Variants in CRYL1 observed in about 807,000 individuals in gnomAD.
CRYL1 encodes the protein lambda-crystallin homolog.
CRYL1 carries 29 observed loss-of-function variants against 36.6 expected under a neutral mutation model. The ratio of observed to expected loss-of-function variants is 0.79; its 90% CI spans 0.59 to 1.08. The LOEUF is 1.08. CRYL1 is among the 50% of genes least tolerant of loss of function. The probability of loss-of-function intolerance (pLI) is 0.00; values close to 1 mark genes in which losing one functional copy is unlikely to be tolerated. For synonymous variants in CRYL1, 152 were observed against 151.5 expected (o/e 1.00, Z -0.02); for missense variants, 411 against 407.9 (o/e 1.01, Z -0.06).
intron 1 of CRYL1, among the ~76,000 whole-genome samples, chr13:20,515,317 G>A (rs1479243896): frequency 1.3e-5 from 2 of 152,068 alleles, no homozygotes; most frequent in Admixed American, 6.6e-5. Flanking sequence ...ACTTTAAATG[G>A]GTGAATTACA....
intron 1 of CRYL1, among the ~76,000 whole-genome samples, chr13:20,513,926 A>C (rs1184821416): frequency 6.6e-6 from 1 of 151,970 alleles, no homozygotes; most frequent in Non-Finnish European, 1.5e-5. Flanking sequence ...AAAAAAAAAA[A>C]AAACGCATCG....
intron 3 of CRYL1, among the ~76,000 whole-genome samples, chr13:20,478,020 T>C (rs1414308608): frequency 6.7e-6 from 1 of 149,406 alleles, no homozygotes; most frequent in Non-Finnish European, 1.5e-5. Flanking sequence ...GGCTCCATGG[T>C]GTATTCTGTG....
intron 3 of CRYL1, among the ~76,000 whole-genome samples, chr13:20,450,411 C>A (rs34796244): frequency 0.046 from 6,984 of 152,228 alleles, 337 homozygotes; most frequent in Admixed American, 0.16. Context: ...AACTAAACAC[C>A]TACCTTTCAC....
intron 6 of CRYL1, among the ~76,000 whole-genome samples, chr13:20,411,387 A>G (rs1462062138): frequency 6.6e-6 from 1 of 152,030 alleles, no homozygotes; most frequent in Non-Finnish European, 1.5e-5. Context: ...TTCTGGTTTC[A>G]TTGGCTTCTG....
chr13:20,439,544 C>CAAAAAAAAA, intron 4 of CRYL1, 49 bp downstream of exon 4: 1 of 561,762 alleles, frequency 1.8e-6, no homozygotes, highest in Non-Finnish European at 2.5e-6. Context: ...AAAAAAAAAA[C>CAAAAAAAAA]ACAGAATGAG....
chr13:20,431,771 G>T (rs986415019), intron 5 of CRYL1: 25 of 1,246,134 alleles, frequency 2.0e-5, no homozygotes, highest in Middle Eastern at 3.1e-4. Context: ...AGGGGTAAAA[G>T]CTGCCTCTGT....
chr13:20,464,704 G>A (rs563099620), intron 3 of CRYL1, among the ~76,000 whole-genome samples: 1 of 152,150 alleles, frequency 6.6e-6, no homozygotes, highest in African/African-American at 2.4e-5. Context: ...TAGCCTTTTG[G>A]AATTTTTTTT....
At chr13:20,504,329 G>A (rs1206662687) in intron 2 of CRYL1, among the ~76,000 whole-genome samples, 2 of 141,808 alleles carry the variant, frequency 1.4e-5, no homozygotes, top group African/African-American at 5.3e-5. Context: ...TTTGAGACAG[G>A]GTCTCGCTCT....
Position 20,525,037 on chromosome 13 carries a change from C to T in CRYL1, c.41+717G>A, listed in dbSNP as rs752806058. 5.2e-4 allele frequency among the ~76,000 whole-genome samples: 63 copies of T among 121,458 alleles called. No individual in the cohort carries two copies. The highest frequency in any genetic ancestry group is 8.7e-4 in the Non-Finnish European group (54 of 61,826). The allele number at this position is 121,458 out of a possible 152,430, so 79.7% of individuals were successfully genotyped here. ...AAACAAAAATAGCAAGGATTGTAAC[C>T]GTAGGGGTGGGGGGCGGGGTGGGGG... On this transcript the variant is annotated intron_variant, in intron 1 of 7. Transcript: ENST00000298248. This position sits in a 1 kb window ranked among gnomAD's most constrained non-coding sequence, Gnocchi z 4.3.
In CRYL1 at chr13:20,481,740, G is replaced by T. The variant is rs57896117; in HGVS notation, c.276+7630C>A. On this transcript the variant is annotated intron_variant, in intron 3 of 7. Transcript: ENST00000298248. The surrounding 1 kb of genome is among the most constrained non-coding windows in gnomAD (Gnocchi z 4.1). ...AGCCTGGCCAACATGATGAAACCCC[G>T]TCTCTACTAAAAATACAAAACTTAG... Among the ~76,000 whole-genome samples the T allele has an allele frequency of 6.6e-6, 1 of 151,896 alleles. No homozygotes were observed. Among genetic ancestry groups the T allele is most frequent in the African/African-American group, 2.4e-5 (1 of 41,314 alleles).
chr13:20,405,286 G>C (rs1053758801), intron 6 of CRYL1, among the ~76,000 whole-genome samples: 1 of 150,210 alleles, frequency 6.7e-6, no homozygotes, highest in South Asian at 2.1e-4. Context: ...AAAAAAAAAA[G>C]TGCCAGGTCC....
At chr13:20,519,621 A>AG (rs2034061203) in intron 1 of CRYL1, among the ~76,000 whole-genome samples, 2 of 147,904 alleles carry the variant, frequency 1.4e-5, no homozygotes, top group Non-Finnish European at 3.0e-5. Context: ...AGGGGAGGGG[A>AG]GGGAAGGGAT....
At chr13:20,432,870 T>C (rs1197358518) in intron 4 of CRYL1, among the ~76,000 whole-genome samples, 1 of 151,946 alleles carries the variant, frequency 6.6e-6, no homozygotes, top group African/African-American at 2.4e-5. Flanking sequence ...ATAAAAAAAT[T>C]AGCTAGGTGT....
At position 20,435,048 on chromosome 13, in the gene CRYL1, G is replaced by A. The variant is rs2032177882; in HGVS notation, c.439-2752C>T. ...CAGCAGCAGAAAGCTAGGTTCAGGT[G>A]CCGCGGCTGGGGTGGAGCTGTGGAA... On this transcript the variant is annotated intron_variant, in intron 4 of 7. Coordinates refer to ENST00000298248, the MANE Select transcript of CRYL1 (RefSeq NM_015974.3). The surrounding 1 kb of genome is among the most constrained non-coding windows in gnomAD (Gnocchi z 4.0). Among the ~76,000 whole-genome samples the A allele has an allele frequency of 6.6e-6, 1 of 152,084 alleles. No homozygotes were observed. The highest frequency in any genetic ancestry group is 1.5e-5 in the Non-Finnish European group (1 of 68,006).
chr13:20,483,541 T>G (rs1004892557), intron 3 of CRYL1, among the ~76,000 whole-genome samples: 6 of 152,070 alleles, frequency 3.9e-5, no homozygotes, highest in Non-Finnish European at 7.4e-5. Flanking sequence ...TTTATTTTGG[T>G]TTGTCTGTTT....
At chr13:20,418,911 CA>C (rs557585580) in intron 5 of CRYL1, 1 of 152,160 alleles carries the variant, frequency 6.6e-6, no homozygotes, top group Non-Finnish European at 1.5e-5. Context: ...TCAGGAGTCA[CA>C]AAAGGTTTTA....
chr13:20,503,646 G>T (rs2033743375), intron 2 of CRYL1, among the ~76,000 whole-genome samples: 1 of 152,232 alleles, frequency 6.6e-6, no homozygotes, highest in Non-Finnish European at 1.5e-5. Context: ...GGTGAGAGGA[G>T]CAAAGTCACA....
In CRYL1 at chr13:20,456,543, G is replaced by A. The variant is rs139644709; in HGVS notation, c.277-16789C>T. Among the ~76,000 whole-genome samples the A allele has an allele frequency of 2.2e-3, 335 of 151,168 alleles. 3 individuals are homozygous for A. The highest frequency in any genetic ancestry group is 4.0e-3 in the Non-Finnish European group (268 of 67,802). On this transcript the variant is annotated intron_variant, in intron 3 of 7. Transcript: ENST00000298248. ...AGGCAGGAGGATTGCTTGAGCCCAG[G>A]AGTTCCAGGCTGCAGTGAGCTATGA...
intron 5 of CRYL1, chr13:20,431,458 C>T (rs778345333): frequency 1.7e-5 from 17 of 985,316 alleles, no homozygotes; most frequent in African/African-American, 3.5e-5. Flanking sequence ...GATCCCGAGA[C>T]TTCTCCGCCT....
Sources: gnomAD v4.1 joint callset for allele counts (sites outside exome capture counted in the v4.1 genomes callset) on GRCh38, gnomAD v4.1.1 for gene constraint, Gnocchi (gnomAD v3.1) non-coding constraint, MANE v1.5 for transcripts, NCBI Gene and HGNC (gene_info 2026-07-23, HGNC 2026-07-21) for gene names.